TNRC6B: variants seen among roughly 807,000 people sequenced by gnomAD.
TNRC6B encodes trinucleotide repeat-containing gene 6B protein.
Under a neutral mutation model 203.6 loss-of-function variants are expected in TNRC6B, and 52 were observed. The ratio of observed to expected loss-of-function variants is 0.26; its 90% CI spans 0.20 to 0.32. The LOEUF (loss-of-function observed/expected upper bound fraction) is 0.32, where lower values mean the gene tolerates loss of function less well. Ranked by LOEUF, TNRC6B falls within the 10% of genes least tolerant of loss-of-function variation. The pLI, the probability that TNRC6B is intolerant of heterozygous loss-of-function variation, is 1.00. For synonymous variants in TNRC6B, 838 were observed against 845.7 expected (o/e 0.99, Z 0.16); for missense variants, 1,923 against 2,286.2 (o/e 0.84, Z 3.24).
chr22:40,129,574 G>T (rs2068523345), intron 3 of TNRC6B, among the ~76,000 whole-genome samples: 2 of 152,174 alleles, frequency 1.3e-5, no homozygotes, highest in Non-Finnish European at 2.9e-5. Flanking sequence ...GGCTCACTCA[G>T]TAACTTCAGA....
At chr22:40,193,217 C>A (rs985559239) in intron 1 of TNRC6B, among the ~76,000 whole-genome samples, 2 of 152,146 alleles carry the variant, frequency 1.3e-5, no homozygotes, top group Non-Finnish European at 2.9e-5. Flanking sequence ...TTGGGTCTCT[C>A]CCTGGCAATA....
chr22:40,251,349 A>G, intron 3 of TNRC6B, 149 bp downstream of exon 3: 2 of 589,690 alleles, frequency 3.4e-6, no homozygotes, highest in Admixed American at 3.6e-5. Flanking sequence ...AGCAGTAATG[A>G]CAAATTGAAA....
At chr22:40,285,570 A>G in intron 11 of TNRC6B, 75 bp from the exon 12 acceptor site, 2 of 1,532,360 alleles carry the variant, frequency 1.3e-6, no homozygotes, top group Non-Finnish European at 1.8e-6. Context: ...TGAGGGATCT[A>G]AAAGACCAGA....
Position 40,262,133 on chromosome 22 carries a change from G to A in TNRC6B, c.417G>A (p.Val139=), listed in dbSNP as rs1429210396. 17 of 1,487,956 alleles carry A rather than the reference G, an allele frequency of 1.1e-5. No individual in the cohort carries two copies. Among genetic ancestry groups the A allele is most frequent in the Non-Finnish European group, 1.5e-5 (17 of 1,100,114 alleles). The allele number at this position is 1,487,956 out of a possible 1,614,324, so 92.2% of individuals were successfully genotyped here. The part of the protein sequence containing the change: ...APGANPNNAQ[V]TGALLQSESG... ...GAGCAAACCCAAACAACGCACAAGT[G>A]ACAGGAGCGCTGCTGCAGAGTGAGA... Residue 139 remains valine (V), a synonymous_variant, in exon 4 of 23, where the codon GTG becomes GTA. Coordinates refer to ENST00000454349, the MANE Select transcript of TNRC6B (RefSeq NM_001162501.2).
intron 1 of TNRC6B, among the ~76,000 whole-genome samples, chr22:40,112,886 A>G (rs972621933): frequency 1.3e-5 from 2 of 152,190 alleles, no homozygotes; most frequent in South Asian, 4.1e-4. Context: ...TGGGAGGCCA[A>G]AGAGGGTTGA....
intron 3 of TNRC6B, among the ~76,000 whole-genome samples, chr22:40,129,476 T>C (rs1262572885): frequency 1.3e-5 from 2 of 152,082 alleles, no homozygotes; most frequent in African/African-American, 4.8e-5. Context: ...AGACTTGAGG[T>C]GTATTTTGGC....
At chr22:40,052,953 A>T (rs2067762451) in intron 1 of TNRC6B, among the ~76,000 whole-genome samples, 1 of 152,138 alleles carries the variant, frequency 6.6e-6, no homozygotes, top group Non-Finnish European at 1.5e-5. Context: ...AGAAACTGAA[A>T]TGTAAGTCCT....
chr22:40,172,693 T>C (rs2146370027), intron 4 of TNRC6B, among the ~76,000 whole-genome samples: 1 of 152,334 alleles, frequency 6.6e-6, no homozygotes, highest in Non-Finnish European at 1.5e-5. Context: ...TGGAAGAAAG[T>C]AGGAAGCTTT....
chr22:40,162,063 G>A (rs2068875876), intron 4 of TNRC6B, among the ~76,000 whole-genome samples: 1 of 152,102 alleles, frequency 6.6e-6, no homozygotes, highest in Admixed American at 6.6e-5. Flanking sequence ...AGGTTTGTGG[G>A]AAGATCACTT....
chr22:40,308,683 C>T lies in TNRC6B; in HGVS notation c.4258+34C>T, dbSNP rs1006688799. Reference sequence around the variant, plus strand: ...AGCACTGAAAGCTAGAGCCCCCAACCCACAGCAGGTCTTGATGAAACATCT... The same window carrying T: ...AGCACTGAAAGCTAGAGCCCCCAACTCACAGCAGGTCTTGATGAAACATCT... On this transcript the variant is annotated intron_variant, in intron 16 of 22. Coordinates refer to ENST00000454349, the MANE Select transcript of TNRC6B (RefSeq NM_001162501.2). 5.1e-6 allele frequency: 8 copies of T among 1,582,456 alleles called. No individual in the cohort carries two copies. The Admixed American group carries it at 1.1e-4, about 22-fold the overall frequency.
At chr22:40,141,581 C>G (rs1055274405) in intron 3 of TNRC6B, among the ~76,000 whole-genome samples, 2 of 152,012 alleles carry the variant, frequency 1.3e-5, no homozygotes, top group Non-Finnish European at 2.9e-5. Context: ...AGCTGTAATC[C>G]TACTCTGTAG....
intron 21 of TNRC6B, among the ~76,000 whole-genome samples, chr22:40,319,627 T>C (rs1663919225): frequency 6.6e-6 from 1 of 152,136 alleles, no homozygotes; most frequent in African/African-American, 2.4e-5. Flanking sequence ...GGTTTCACCA[T>C]GTTAGCCAGG....
At chr22:40,118,506 C>T (rs568675164) in intron 2 of TNRC6B, among the ~76,000 whole-genome samples, 1 of 152,280 alleles carries the variant, frequency 6.6e-6, no homozygotes, top group East Asian at 1.9e-4. Flanking sequence ...CAGCATAACA[C>T]AGTATCCCAG....
At position 40,285,015 on chromosome 22, in the gene TNRC6B, T is replaced by G. The variant is rs142675921; in HGVS notation, c.3583-630T>G. ...CCGCTTATTTTTAACTAGACTGATATGTGTTTGAATGAGAAGTTACAGGTG... is the reference window on the plus strand; with the variant it reads ...CCGCTTATTTTTAACTAGACTGATAGGTGTTTGAATGAGAAGTTACAGGTG... On this transcript the variant is annotated intron_variant, in intron 11 of 22. Coordinates refer to ENST00000454349, the MANE Select transcript of TNRC6B (RefSeq NM_001162501.2). Among the ~76,000 whole-genome samples, 614 of 152,316 alleles carry G rather than the reference T, an allele frequency of 4.0e-3. 4 individuals carry two copies. Among genetic ancestry groups the G allele is most frequent in the African/African-American group, 0.013 (555 of 41,562 alleles).
intron 4 of TNRC6B, among the ~76,000 whole-genome samples, chr22:40,156,489 A>G (rs1461976143): frequency 6.6e-6 from 1 of 152,212 alleles, no homozygotes; most frequent in African/African-American, 2.4e-5. Context: ...CAAAGAAAGT[A>G]TAAAATGGTA....
chr22:40,211,655 G>A (rs906366322), intron 1 of TNRC6B, among the ~76,000 whole-genome samples: 4 of 152,134 alleles, frequency 2.6e-5, no homozygotes, highest in African/African-American at 7.2e-5. Context: ...TTTTGCGGAC[G>A]TGCTTGCATG....
intron 1 of TNRC6B, among the ~76,000 whole-genome samples, chr22:40,079,847 G>A (rs1460920371): frequency 6.6e-6 from 1 of 151,828 alleles, no homozygotes; most frequent in Non-Finnish European, 1.5e-5. Flanking sequence ...CTAGGCTGGC[G>A]TGCAGTGGCA....
chr22:40,317,653 T>A (rs1010116882), intron 21 of TNRC6B, among the ~76,000 whole-genome samples: 1 of 152,180 alleles, frequency 6.6e-6, no homozygotes, highest in African/African-American at 2.4e-5. Flanking sequence ...GGCATTACTA[T>A]AATTTGCTCT....
Position 40,328,579 on chromosome 22 carries a change from A to T in TNRC6B, c.*5338A>T, listed in dbSNP as rs1007354333. 2 of 152,242 alleles carry T rather than the reference A, an allele frequency of 1.3e-5. No homozygotes were observed. Among genetic ancestry groups the T allele is most frequent in the East Asian group, 3.9e-4 (2 of 5,178 alleles). The allele number at this position is 152,242 out of a possible 1,614,324, so 9.4% of individuals were successfully genotyped here. On this transcript the variant is annotated 3_prime_UTR_variant, in exon 23 of 23. Coordinates refer to ENST00000454349, the MANE Select transcript of TNRC6B (RefSeq NM_001162501.2). ...TGATTTTTGTAAGGTTAACAGCCAGATTCCATTTTGACCTCAGATGCTGTG... is the reference window on the plus strand; with the variant it reads ...TGATTTTTGTAAGGTTAACAGCCAGTTTCCATTTTGACCTCAGATGCTGTG...
Sources: allele counts gnomAD v4.1 joint callset (sites outside exome capture counted in the v4.1 genomes callset), GRCh38; gene constraint gnomAD v4.1.1; transcripts MANE v1.5; gene names NCBI Gene and HGNC (gene_info 2026-07-23, HGNC 2026-07-21).